KCNQ5: variants seen among roughly 807,000 people sequenced by gnomAD.
KCNQ5 encodes the protein potassium voltage-gated channel subfamily KQT member 5.
KCNQ5 carries 30 observed loss-of-function variants against 98.2 expected under a neutral mutation model. The observed-to-expected ratio is 0.31, with a 90% CI of 0.23 to 0.41. The LOEUF (loss-of-function observed/expected upper bound fraction) is 0.41. Ranked by LOEUF, KCNQ5 falls within the 10% of genes least tolerant of loss-of-function variation. KCNQ5 has a pLI of 1.00. For synonymous variants in KCNQ5, 458 were observed against 449.4 expected (o/e 1.02, Z -0.24); for missense variants, 835 against 1,182.5 (o/e 0.71, Z 4.31).
Position 73,063,678 on chromosome 6 carries a change from TA to T in KCNQ5, c.617-13643del, listed in dbSNP as rs1206063816. ...GATAGATAGATAGATGATAGATAGA[TA>T]GATAGATGATAGATAGATAGATAGA... On this transcript the variant is annotated intron_variant, in intron 3 of 13. Coordinates refer to ENST00000370398, the MANE Select transcript of KCNQ5 (RefSeq NM_019842.4). Among the ~76,000 whole-genome samples the T allele has an allele frequency of 6.2e-3, 470 of 75,668 alleles. 9 individuals carry two copies. The highest frequency in any genetic ancestry group is 0.017 in the African/African-American group (449 of 26,584). The allele number at this position is 75,668 out of a possible 152,430, so 49.6% of individuals were successfully genotyped here.
At chr6:72,730,313 T>G (rs1325078989) in intron 1 of KCNQ5, among the ~76,000 whole-genome samples, 1 of 152,226 alleles carries the variant, frequency 6.6e-6, no homozygotes, top group African/African-American at 2.4e-5. Flanking sequence ...TATTTAGATT[T>G]TTTTTTGTTT....
intron 1 of KCNQ5, among the ~76,000 whole-genome samples, chr6:72,654,449 C>A (rs1439990029): frequency 2.0e-5 from 3 of 151,908 alleles, no homozygotes; most frequent in East Asian, 3.9e-4. Context: ...GTACAGTAAA[C>A]CAAGGATGGA....
At chr6:73,106,845 C>A (rs1775021450) in intron 6 of KCNQ5, among the ~76,000 whole-genome samples, 1 of 152,050 alleles carries the variant, frequency 6.6e-6, no homozygotes. Context: ...TTTGTGCGGA[C>A]CAATGTAATA....
intron 1 of KCNQ5, among the ~76,000 whole-genome samples, chr6:72,747,988 A>G (rs1771489986): frequency 6.6e-6 from 1 of 152,142 alleles, no homozygotes; most frequent in East Asian, 1.9e-4. Context: ...GAAAAATCCT[A>G]CGTCAGAAAA....
chr6:73,150,937 A>G (rs1411532591), intron 10 of KCNQ5, among the ~76,000 whole-genome samples: 3 of 151,664 alleles, frequency 2.0e-5, no homozygotes, highest in Admixed American at 6.6e-5. Context: ...GCTGGGAGGG[A>G]GGAGGTGTGG....
chr6:73,103,326 TC>T (rs1774865657), intron 5 of KCNQ5, among the ~76,000 whole-genome samples: 1 of 152,132 alleles, frequency 6.6e-6, no homozygotes, highest in African/African-American at 2.4e-5. Flanking sequence ...TGAGTTCGTG[TC>T]CTTTGTAGGG....
chr6:72,826,049 C>T (rs1287965241), intron 1 of KCNQ5, among the ~76,000 whole-genome samples: 4 of 152,056 alleles, frequency 2.6e-5, no homozygotes, highest in African/African-American at 9.7e-5. Flanking sequence ...TTCTGGGGCC[C>T]TTTTTCCACC....
intron 9 of KCNQ5, among the ~76,000 whole-genome samples, chr6:73,126,627 T>C (rs756819082): frequency 5.3e-5 from 8 of 152,178 alleles, no homozygotes; most frequent in Non-Finnish European, 7.3e-5. Context: ...GGTTTAAATA[T>C]GTACAAAACC....
chr6:72,760,285 T>C, intron 1 of KCNQ5, among the ~76,000 whole-genome samples: 1 of 152,158 alleles, frequency 6.6e-6, no homozygotes, highest in East Asian at 1.9e-4. Context: ...TAACAGACAG[T>C]GTAGCAAGGT....
intron 10 of KCNQ5, among the ~76,000 whole-genome samples, chr6:73,139,778 C>A (rs1383483709): frequency 6.6e-6 from 1 of 152,178 alleles, no homozygotes; most frequent in Non-Finnish European, 1.5e-5. Context: ...TCTATCACCA[C>A]CACCACTAAG....
intron 5 of KCNQ5, among the ~76,000 whole-genome samples, chr6:73,086,696 A>G (rs559095189): frequency 7.4e-4 from 112 of 152,354 alleles, no homozygotes; most frequent in Middle Eastern, 3.4e-3. Flanking sequence ...CTGAGGTTCC[A>G]CTTTCTAGTT....
intron 3 of KCNQ5, among the ~76,000 whole-genome samples, chr6:73,070,556 T>A (rs1773256638): frequency 6.6e-6 from 1 of 152,158 alleles, no homozygotes; most frequent in Non-Finnish European, 1.5e-5. Context: ...GGGGTTGGGG[T>A]ATATGGTAAA....
At chr6:73,082,046 A>G (rs1380563200) in intron 5 of KCNQ5, among the ~76,000 whole-genome samples, 1 of 152,242 alleles carries the variant, frequency 6.6e-6, no homozygotes, top group Non-Finnish European at 1.5e-5. Context: ...CATAGGAAAC[A>G]TAAGGGCCAA....
intron 1 of KCNQ5, among the ~76,000 whole-genome samples, chr6:72,777,874 AAG>A (rs1457243471): frequency 6.6e-6 from 1 of 152,188 alleles, no homozygotes; most frequent in African/African-American, 2.4e-5. Context: ...CTGCCTATAA[AAG>A]AGAATGTATG....
chr6:72,913,181 T>C (rs1003526844), intron 1 of KCNQ5, among the ~76,000 whole-genome samples: 1 of 152,222 alleles, frequency 6.6e-6, no homozygotes, highest in Admixed American at 6.5e-5. Flanking sequence ...ATTTTAGGTG[T>C]ATCTTTCCAA....
intron 2 of KCNQ5, among the ~76,000 whole-genome samples, chr6:73,005,672 A>G (rs1305490475): frequency 1.3e-5 from 2 of 152,226 alleles, no homozygotes; most frequent in African/African-American, 2.4e-5. Context: ...TAGTAACTAG[A>G]GTGCATTTAG....
intron 2 of KCNQ5, among the ~76,000 whole-genome samples, chr6:73,034,994 C>T (rs1344649154): frequency 4.0e-5 from 6 of 150,246 alleles, no homozygotes; most frequent in African/African-American, 9.9e-5. Flanking sequence ...TACAGGCGCC[C>T]GCCACCACAC....
At chr6:73,085,945 A>G (rs9446836) in intron 5 of KCNQ5, among the ~76,000 whole-genome samples, 20,445 of 152,134 alleles carry the variant, frequency 0.13, 2,601 homozygotes, top group African/African-American at 0.34. Context: ...TTATTAATAA[A>G]CCGATGTAAA....
At chr6:73,010,789 A>G (rs923699310) in intron 2 of KCNQ5, among the ~76,000 whole-genome samples, 1 of 152,002 alleles carries the variant, frequency 6.6e-6, no homozygotes, top group African/African-American at 2.4e-5. Context: ...TAATAATATC[A>G]AAAAATACTT....
Sources: gnomAD v4.1 joint callset for allele counts (sites outside exome capture counted in the v4.1 genomes callset) on GRCh38, gnomAD v4.1.1 for gene constraint, MANE v1.5 for transcripts, NCBI Gene and HGNC (gene_info 2026-07-23, HGNC 2026-07-21) for gene names.